The following CHST9 variants were observed in gnomAD, a reference collection of about 807,000 sequenced individuals.
CHST9 encodes the protein carbohydrate sulfotransferase 9, also known as GalNAc-4-sulfotransferase 2.
A neutral mutation model predicts 44.4 loss-of-function variants in CHST9; 41 were observed. The ratio of observed to expected loss-of-function variants is 0.92; its 90% CI spans 0.72 to 1.20. The LOEUF is 1.20. Ranked by LOEUF, CHST9 falls within the 50% of genes most tolerant of loss-of-function variation. CHST9 has a pLI of 0.00. For missense variants in CHST9, 504 were observed against 516.5 expected (o/e 0.98, Z 0.23); for synonymous variants, 171 against 178.4 (o/e 0.96, Z 0.33).
intron 2 of CHST9, among the ~76,000 whole-genome samples, chr18:27,055,275 A>G (rs16943240): frequency 0.025 from 3,811 of 152,300 alleles, 125 homozygotes; most frequent in African/African-American, 0.082. Context: ...ATATAATGCT[A>G]ACTGCCATGA....
chr18:26,959,452 A>T (rs2056371768), intron 4 of CHST9, among the ~76,000 whole-genome samples: 1 of 152,236 alleles, frequency 6.6e-6, no homozygotes, highest in Non-Finnish European at 1.5e-5. Flanking sequence ...CTGCACATGT[A>T]TCCCCTGAAT....
chr18:27,081,429 T>C (rs760549352), intron 2 of CHST9, among the ~76,000 whole-genome samples: 16 of 152,208 alleles, frequency 1.1e-4, no homozygotes, highest in Non-Finnish European at 1.5e-4. Flanking sequence ...ATGGTTTCTC[T>C]GATTGCAGGA....
chr18:27,047,869 A>G (rs2057523439), intron 3 of CHST9, among the ~76,000 whole-genome samples: 1 of 152,190 alleles, frequency 6.6e-6, no homozygotes, highest in African/African-American at 2.4e-5. Flanking sequence ...CTTACCTCAC[A>G]ACTTTAAGCT....
chr18:27,045,114 C>G (rs2057485040), intron 3 of CHST9, among the ~76,000 whole-genome samples: 1 of 151,206 alleles, frequency 6.6e-6, no homozygotes, highest in African/African-American at 2.4e-5. Context: ...ATGAACAAAC[C>G]ATTTCTAACT....
At chr18:27,019,735 T>G (rs774140431) in intron 4 of CHST9, among the ~76,000 whole-genome samples, 1 of 145,820 alleles carries the variant, frequency 6.9e-6, no homozygotes, top group African/African-American at 2.5e-5. Context: ...GTTAATGACA[T>G]GCCACTGTAC....
chr18:27,183,800 G>T (rs2058932687), intron 1 of CHST9, among the ~76,000 whole-genome samples: 1 of 152,088 alleles, frequency 6.6e-6, no homozygotes, highest in South Asian at 2.1e-4. Context: ...GTAGTTCAGG[G>T]TGCTCTTGCC....
At chr18:27,127,104 A>C (rs1414517406) in intron 2 of CHST9, among the ~76,000 whole-genome samples, 1 of 152,288 alleles carries the variant, frequency 6.6e-6, no homozygotes, top group African/African-American at 2.4e-5. Context: ...ACTGAGTTTA[A>C]GGGGTCTGGA....
chr18:26,922,887 C>T (rs928146826), intron 5 of CHST9, among the ~76,000 whole-genome samples: 5 of 152,158 alleles, frequency 3.3e-5, no homozygotes, highest in Non-Finnish European at 1.5e-5. Flanking sequence ...CCAGCCGCCT[C>T]GGCCTCCCAA....
intron 4 of CHST9, among the ~76,000 whole-genome samples, chr18:26,963,858 T>C (rs1224477139): frequency 1.3e-5 from 2 of 152,212 alleles, no homozygotes; most frequent in African/African-American, 4.8e-5. Context: ...AACGATATCA[T>C]GCACGTTTCA....
intron 3 of CHST9, among the ~76,000 whole-genome samples, chr18:27,035,843 T>G (rs919080403): frequency 1.3e-5 from 2 of 152,110 alleles, no homozygotes; most frequent in Non-Finnish European, 2.9e-5. Flanking sequence ...ATTGTAAAAT[T>G]TAAAATTTGC....
intron 1 of CHST9, among the ~76,000 whole-genome samples, chr18:27,147,933 G>T (rs146581627): frequency 2.6e-5 from 4 of 151,648 alleles, no homozygotes; most frequent in African/African-American, 9.7e-5. Flanking sequence ...ACGTAACAGG[G>T]GTTTGTTGTA....
chr18:27,118,856 G>A (rs1053927002), intron 2 of CHST9, among the ~76,000 whole-genome samples: 6 of 152,068 alleles, frequency 3.9e-5, no homozygotes, highest in Non-Finnish European at 7.4e-5. Context: ...ATCACCCACC[G>A]TATGCAAATC....
intron 2 of CHST9, among the ~76,000 whole-genome samples, chr18:27,097,023 C>A (rs1266202334): frequency 6.6e-6 from 1 of 151,996 alleles, no homozygotes; most frequent in Non-Finnish European, 1.5e-5. Flanking sequence ...TGCAAAAATC[C>A]TCAACTAAAT....
intron 2 of CHST9, among the ~76,000 whole-genome samples, chr18:27,107,769 C>A (rs72884327): frequency 0.069 from 10,483 of 152,192 alleles, 451 homozygotes; most frequent in East Asian, 0.14. Context: ...CTTATGAGGA[C>A]TTGATAAATA....
At chr18:27,053,042 A>C (rs924536385) in intron 2 of CHST9, among the ~76,000 whole-genome samples, 3 of 151,028 alleles carry the variant, frequency 2.0e-5, no homozygotes, top group African/African-American at 7.3e-5. Context: ...TTCCTATGTA[A>C]CAAACCTGCA....
rs181344788 is a variant in CHST9 at position 27,049,737 on chromosome 18, A to T, written c.122-1234T>A. 2.4e-4 allele frequency among the ~76,000 whole-genome samples: 36 copies of T among 152,258 alleles called. No individual in the cohort carries two copies. In the East Asian group the frequency reaches 5.8e-3, roughly 25 times the overall value. On this transcript the variant is annotated intron_variant, in intron 2 of 5. Transcript: ENST00000618847. ...GTGCACAGAACATTCTCTAAGACTGACCACGTGCTCAGTCATAAAGCAAGT... is the reference window on the plus strand; with the variant it reads ...GTGCACAGAACATTCTCTAAGACTGTCCACGTGCTCAGTCATAAAGCAAGT...
chr18:27,084,681 C>A (rs1272349723), intron 2 of CHST9, among the ~76,000 whole-genome samples: 1 of 151,792 alleles, frequency 6.6e-6, no homozygotes, highest in Non-Finnish European at 1.5e-5. Context: ...TATTTCTTTT[C>A]TTCTGCTAGC....
At chr18:27,081,300 AC>A (rs770203493) in intron 2 of CHST9, among the ~76,000 whole-genome samples, 3 of 152,166 alleles carry the variant, frequency 2.0e-5, no homozygotes, top group Admixed American at 6.6e-5. Context: ...CAATGATGGT[AC>A]CACTGCACTC....
At chr18:27,025,018 G>A (rs1196736380) in intron 3 of CHST9, among the ~76,000 whole-genome samples, 4 of 149,030 alleles carry the variant, frequency 2.7e-5, no homozygotes, top group Non-Finnish European at 5.9e-5. Flanking sequence ...GGCTTTTTGG[G>A]TTACATGGTT....
Sources: gnomAD v4.1 joint callset for allele counts (sites outside exome capture counted in the v4.1 genomes callset) on GRCh38, gnomAD v4.1.1 for gene constraint, MANE v1.5 for transcripts, NCBI Gene and HGNC (gene_info 2026-07-23, HGNC 2026-07-21) for gene names.